Variants in BRAF observed in about 807,000 individuals in gnomAD.
BRAF encodes B-Raf proto-oncogene, serine/threonine kinase, also known as serine/threonine-protein kinase B-raf.
BRAF carries 16 observed loss-of-function variants against 104.6 expected under a neutral mutation model. That is an observed-to-expected ratio of 0.15 (90% CI 0.10 to 0.23). The LOEUF (loss-of-function observed/expected upper bound fraction) is 0.23. BRAF is among the 10% of genes least tolerant of loss of function. The pLI is 1.00. For synonymous variants in BRAF, 310 were observed against 341.6 expected, an observed-to-expected ratio of 0.91 and a Z score of 1.02; for missense variants, 541 against 937.3, an observed-to-expected ratio of 0.58 and a Z score of 5.52.
Position 140,755,600 on chromosome 7 carries a change from T to C in BRAF, c.1815-1367A>G, listed in dbSNP as rs1174526471. On this transcript the variant is annotated intron_variant, in intron 14 of 19. Coordinates refer to ENST00000644969, the MANE Select transcript of BRAF (RefSeq NM_001374258.1). The stretch of plus-strand genomic sequence containing the variant: ...ATGTTCTTCATAGCATTTACTACAA[T>C]TGAAAATTATCTTGTCATGACTTTA... Among the ~76,000 whole-genome samples, 6 of 152,176 alleles carry C rather than the reference T, an allele frequency of 3.9e-5. No homozygotes were observed. In the South Asian group the frequency reaches 6.2e-4, roughly 16 times the overall value.
At chr7:140,852,369 T>C (rs1416725377) in intron 1 of BRAF, among the ~76,000 whole-genome samples, 13 of 138,462 alleles carry the variant, frequency 9.4e-5, no homozygotes, top group Non-Finnish European at 1.8e-4. Flanking sequence ...ACTCAGTTTC[T>C]ACCGCCACCC....
At chr7:140,787,711 A>G (rs547283745) in intron 8 of BRAF, 127 bp from the exon 9 acceptor site, 4 of 793,260 alleles carry the variant, frequency 5.0e-6, no homozygotes, top group Admixed American at 5.1e-5. Context: ...TCTTATAACT[A>G]TTACACAAAA....
rs1795544193 is a variant in BRAF at position 140,725,404 on chromosome 7, T to C, written c.*1090A>G. Reference sequence around the variant, plus strand: ...TAACAAAAATACAATTTTCAGGATATATAATTCTGGTGGGAAGTATTGTTT... The same window carrying C: ...TAACAAAAATACAATTTTCAGGATACATAATTCTGGTGGGAAGTATTGTTT... On this transcript the variant is annotated 3_prime_UTR_variant, in exon 20 of 20. Transcript: ENST00000644969. 1 of 951,854 alleles carries C rather than the reference T, an allele frequency of 1.1e-6. No individual in the cohort carries two copies. Among genetic ancestry groups the C allele is most frequent in the African/African-American group, 1.7e-5 (1 of 57,892 alleles). 59.0% of individuals were successfully genotyped at this position (951,854 alleles called of 1,614,324 possible). A position where few individuals can be genotyped will look rare whatever the true frequency, so the allele number is the denominator to read the frequency against.
intron 5 of BRAF, among the ~76,000 whole-genome samples, chr7:140,802,040 G>C (rs570834180): frequency 6.6e-6 from 1 of 151,986 alleles, no homozygotes; most frequent in Non-Finnish European, 1.5e-5. Flanking sequence ...AGGAGGGAGA[G>C]GAAGAACTAT....
chr7:140,718,404 C>T (rs1585878031), downstream of BRAF, among the ~76,000 whole-genome samples: 1 of 152,250 alleles, frequency 6.6e-6, no homozygotes, highest in East Asian at 1.9e-4. Context: ...GCATGCGCCA[C>T]CACAGCCGGA....
At chr7:140,855,227 A>G (rs910032465) in intron 1 of BRAF, among the ~76,000 whole-genome samples, 1 of 152,196 alleles carries the variant, frequency 6.6e-6, no homozygotes, top group African/African-American at 2.4e-5. Flanking sequence ...CGGTAGGTAC[A>G]TAGTTAAAAC....
At chr7:140,787,952 T>C (rs1801565336) in intron 8 of BRAF, among the ~76,000 whole-genome samples, 1 of 151,966 alleles carries the variant, frequency 6.6e-6, no homozygotes, top group Non-Finnish European at 1.5e-5. Flanking sequence ...AGTGGACACA[T>C]GGGGGAAACA....
chr7:140,738,181 C>T (rs1796599819), intron 18 of BRAF, among the ~76,000 whole-genome samples: 1 of 152,188 alleles, frequency 6.6e-6, no homozygotes, highest in African/African-American at 2.4e-5. Context: ...GGAACAGTAA[C>T]TTTGAAACCT....
At chr7:140,809,838 G>T (rs528858990) in intron 3 of BRAF, among the ~76,000 whole-genome samples, 1 of 152,204 alleles carries the variant, frequency 6.6e-6, no homozygotes, top group African/African-American at 2.4e-5. Flanking sequence ...GATGACATGG[G>T]AAGAGAGAGA....
At chr7:140,771,787 T>C (rs955869851) in intron 14 of BRAF, among the ~76,000 whole-genome samples, 1 of 152,104 alleles carries the variant, frequency 6.6e-6, no homozygotes, top group Non-Finnish European at 1.5e-5. Flanking sequence ...GAAGAGGATA[T>C]AGACATGAAG....
At chr7:140,767,900 T>C (rs1477787974) in intron 14 of BRAF, among the ~76,000 whole-genome samples, 1 of 152,198 alleles carries the variant, frequency 6.6e-6, no homozygotes, top group Non-Finnish European at 1.5e-5. Context: ...GTCTGACACA[T>C]AGTAAGTGCA....
At chr7:140,898,360 G>C (rs1230209291) in intron 1 of BRAF, among the ~76,000 whole-genome samples, 1 of 151,920 alleles carries the variant, frequency 6.6e-6, no homozygotes. Context: ...AAAAGGACTA[G>C]AAGGAAATAT....
intron 1 of BRAF, among the ~76,000 whole-genome samples, chr7:140,917,763 T>G (rs1444078284): frequency 6.6e-6 from 1 of 152,204 alleles, no homozygotes; most frequent in Non-Finnish European, 1.5e-5. Context: ...TATCTGCTTT[T>G]GTATAGCTCA....
chr7:140,766,145 A>C (rs1383383277), intron 14 of BRAF, among the ~76,000 whole-genome samples: 4 of 152,202 alleles, frequency 2.6e-5, no homozygotes, highest in Non-Finnish European at 5.9e-5. Flanking sequence ...TTGTAGGGAC[A>C]TGGATGAAAT....
At chr7:140,841,858 T>C (rs1055748029) in intron 2 of BRAF, among the ~76,000 whole-genome samples, 1 of 152,192 alleles carries the variant, frequency 6.6e-6, no homozygotes, top group Admixed American at 6.5e-5. Flanking sequence ...GTATAGTATG[T>C]GAATTATTTC....
chr7:140,832,553 G>C (rs117714531), intron 3 of BRAF, among the ~76,000 whole-genome samples: 1 of 152,200 alleles, frequency 6.6e-6, no homozygotes, highest in African/African-American at 2.4e-5. Context: ...TAACGTTCTT[G>C]AAAGAGTTTA....
chr7:140,869,931 T>G (rs1245819591), intron 1 of BRAF, among the ~76,000 whole-genome samples: 1 of 152,166 alleles, frequency 6.6e-6, no homozygotes, highest in Non-Finnish European at 1.5e-5. Context: ...TAACTTTCAC[T>G]GAAACTTGGT....
At chr7:140,774,579 C>T (rs965138741) in intron 14 of BRAF, among the ~76,000 whole-genome samples, 1 of 152,208 alleles carries the variant, frequency 6.6e-6, no homozygotes. Context: ...TGCAGTGGCA[C>T]AATCACGACT....
intron 2 of BRAF, among the ~76,000 whole-genome samples, chr7:140,843,948 G>C (rs1169647840): frequency 6.6e-6 from 1 of 152,138 alleles, no homozygotes; most frequent in East Asian, 1.9e-4. Context: ...GGTGGAGCTT[G>C]AAGTGAGCCG....
Sources: gnomAD v4.1 joint callset for allele counts (sites outside exome capture counted in the v4.1 genomes callset) on GRCh38, gnomAD v4.1.1 for gene constraint, MANE v1.5 for transcripts, NCBI Gene and HGNC (gene_info 2026-07-23, HGNC 2026-07-21) for gene names.